The following EXT1 variants were observed in gnomAD, a reference collection of about 807,000 sequenced individuals.
EXT1 encodes the protein exostosin-1.
EXT1 carries 20 observed loss-of-function variants against 82.5 expected under a neutral mutation model. The ratio of observed to expected loss-of-function variants is 0.24; its 90% CI spans 0.17 to 0.35. The LOEUF (loss-of-function observed/expected upper bound fraction) is 0.35, where lower values mean the gene tolerates loss of function less well. Ranked by LOEUF, EXT1 falls within the 10% of genes least tolerant of loss-of-function variation. The pLI is 1.00. For synonymous variants in EXT1, 348 were observed against 350.8 expected (o/e 0.99, Z 0.09); for missense variants, 757 against 936.5 (o/e 0.81, Z 2.50).
chr8:117,857,108 T>C lies in EXT1; in HGVS notation c.963-19907A>G, dbSNP rs1812578023. 2.0e-5 allele frequency among the ~76,000 whole-genome samples: 3 copies of C among 152,240 alleles called. No homozygotes were observed. In the South Asian group the frequency reaches 6.2e-4, roughly 32 times the overall value. On this transcript the variant is annotated intron_variant, in intron 1 of 10. Coordinates refer to ENST00000378204, the MANE Select transcript of EXT1 (RefSeq NM_000127.3). ...TAACTGAATATTTTAAGCCTACCGTTGAGACCTACGGCTTAGAAAGAAAAA... is the reference window on the plus strand; with the variant it reads ...TAACTGAATATTTTAAGCCTACCGTCGAGACCTACGGCTTAGAAAGAAAAA...
rs1461749491 is a variant in EXT1, at chr8:117,799,870, G to T, written c.2083C>A (p.Pro695Thr). 6.2e-7 allele frequency: 1 copy of T among 1,614,114 alleles called. No homozygotes were observed. The highest frequency in any genetic ancestry group is 8.5e-7 in the Non-Finnish European group (1 of 1,180,040). ...QTSRASRWAD[P>T]DHFAQRQSCM... ...CTCTGTCGCTGGGCAAAGTGGTCAG[G>T]GTCAGCCCAACGGGAAGCCCGAGAA... is the stretch of plus-strand genomic sequence containing the variant. Residue 695 changes from proline to threonine, a missense_variant, in exon 11 of 11, where the codon CCT becomes ACT. Physicochemically the swap from Pro to Thr is conservative, Grantham distance 38. Around this residue, in one of 4 missense-constraint regions of EXT1, gnomAD observed 128 missense variants for 223.2 expected, o/e 0.57. Transcript: ENST00000378204.
Position 118,110,942 on chromosome 8 carries a change from G to A in EXT1, c.105C>T (p.Ser35=), listed in dbSNP as rs775906242. Reference sequence around the variant, plus strand: ...TCCTACCGCTGTGTTCTTCTCTCCGGCTGTGGCTCCTCGATGCCCTAAACT... The same window carrying A: ...TCCTACCGCTGTGTTCTTCTCTCCGACTGTGGCTCCTCGATGCCCTAAACT... ...GLQFRASRSH[S]RREEHSGRNG... The change falls in exon 1 of 11, where the codon AGC becomes AGT. Residue 35 remains serine, a synonymous_variant. Coordinates refer to ENST00000378204, the MANE Select transcript of EXT1 (RefSeq NM_000127.3). The A allele has an allele frequency of 1.9e-6, 3 of 1,613,450 alleles. No homozygotes were observed. Among genetic ancestry groups the A allele is most frequent in the African/African-American group, 2.7e-5 (2 of 74,902 alleles).
At chr8:117,812,802 A>G in intron 8 of EXT1, 70 bp downstream of exon 8, 1 of 1,338,966 alleles carries the variant, frequency 7.5e-7, no homozygotes, top group Non-Finnish European at 1.1e-6. Context: ...TAAAAGAAGC[A>G]TTAGCATCGT....
chr8:117,968,317 G>A lies in EXT1; in HGVS notation c.963-131116C>T, dbSNP rs977388049. ...AGTTTTTTGAAATTTTAAAGGTCTCGTTGTGTTGCACAGGGTGGTCTTGAA... is the reference window on the plus strand; with the variant it reads ...AGTTTTTTGAAATTTTAAAGGTCTCATTGTGTTGCACAGGGTGGTCTTGAA... On this transcript the variant is annotated intron_variant, in intron 1 of 10. Transcript: ENST00000378204. 8.6e-5 allele frequency among the ~76,000 whole-genome samples: 13 copies of A among 151,778 alleles called. No individual in the cohort carries two copies. The East Asian group carries it at 1.4e-3, about 16-fold the overall frequency.
chr8:117,915,365 A>G (rs886549717), intron 1 of EXT1, among the ~76,000 whole-genome samples: 1 of 151,710 alleles, frequency 6.6e-6, no homozygotes, highest in Non-Finnish European at 1.5e-5. Context: ...ATATATATAT[A>G]TATATACCTG....
At chr8:118,066,855 G>C (rs1023108915) in intron 1 of EXT1, among the ~76,000 whole-genome samples, 4 of 152,052 alleles carry the variant, frequency 2.6e-5, no homozygotes, top group Non-Finnish European at 4.4e-5. Flanking sequence ...CATTGTTCAA[G>C]GACCAACTGT....
chr8:117,942,541 A>G (rs567371248), intron 1 of EXT1, among the ~76,000 whole-genome samples: 2 of 152,074 alleles, frequency 1.3e-5, no homozygotes, highest in Non-Finnish European at 2.9e-5. Flanking sequence ...GAGAAAGCCC[A>G]TCTCTACTAA....
chr8:117,924,214 T>C (rs1310888821), intron 1 of EXT1, among the ~76,000 whole-genome samples: 1 of 152,190 alleles, frequency 6.6e-6, no homozygotes, highest in Non-Finnish European at 1.5e-5. Flanking sequence ...TAGGGAAATA[T>C]TTACTGACTG....
At chr8:118,002,754 G>C (rs530122852) in intron 1 of EXT1, among the ~76,000 whole-genome samples, 1 of 151,834 alleles carries the variant, frequency 6.6e-6, no homozygotes, top group East Asian at 1.9e-4. Flanking sequence ...GGATGGTCTC[G>C]ATTTCCTGAA....
chr8:118,086,611 C>T (rs571282208), intron 1 of EXT1, among the ~76,000 whole-genome samples: 12 of 152,280 alleles, frequency 7.9e-5, no homozygotes, highest in African/African-American at 1.9e-4. Flanking sequence ...TTATTTTAAG[C>T]TGTTCATTCT....
At chr8:118,059,103 C>A (rs1056088232) in intron 1 of EXT1, among the ~76,000 whole-genome samples, 4 of 152,222 alleles carry the variant, frequency 2.6e-5, no homozygotes, top group Non-Finnish European at 5.9e-5. Flanking sequence ...CAGAAATACA[C>A]CTACTTTGGC....
intron 1 of EXT1, among the ~76,000 whole-genome samples, chr8:117,935,306 G>T (rs1814137579): frequency 6.7e-6 from 1 of 148,356 alleles, no homozygotes; most frequent in African/African-American, 2.5e-5. Context: ...GAAAATCCTG[G>T]TTAGTTATCT....
intron 1 of EXT1, among the ~76,000 whole-genome samples, chr8:117,942,793 T>C (rs183768731): frequency 6.6e-6 from 1 of 152,372 alleles, no homozygotes; most frequent in African/African-American, 2.4e-5. Context: ...AACATTCATA[T>C]GTAATGAAAA....
At position 118,022,280 on chromosome 8, in the gene EXT1, G is replaced by A. The variant is rs970779241; in HGVS notation, c.962+87805C>T. Among the ~76,000 whole-genome samples, 3 of 148,910 alleles carry A rather than the reference G, an allele frequency of 2.0e-5. No individual in the cohort carries two copies. The Admixed American group carries it at 2.0e-4, about 10-fold the overall frequency. On this transcript the variant is annotated intron_variant, in intron 1 of 10. Coordinates refer to ENST00000378204, the MANE Select transcript of EXT1 (RefSeq NM_000127.3). ...CAAGAAAAAAATTAATGCAGGGGGAGGCAATATATTAAAAAAAGATATACT... is the reference window on the plus strand; with the variant it reads ...CAAGAAAAAAATTAATGCAGGGGGAAGCAATATATTAAAAAAAGATATACT...
intron 1 of EXT1, among the ~76,000 whole-genome samples, chr8:117,951,494 T>C (rs1000125606): frequency 3.3e-5 from 5 of 152,200 alleles, no homozygotes; most frequent in Non-Finnish European, 1.5e-5. Flanking sequence ...TCATACAAAC[T>C]AGACCCTGGG....
At chr8:117,895,136 G>C (rs1586269749) in intron 1 of EXT1, among the ~76,000 whole-genome samples, 1 of 152,134 alleles carries the variant, frequency 6.6e-6, no homozygotes, top group Non-Finnish European at 1.5e-5. Flanking sequence ...GTGAACCAGG[G>C]AAGGCTGTGA....
chr8:117,835,100 G>A (rs1246314152), intron 3 of EXT1, among the ~76,000 whole-genome samples: 1 of 152,170 alleles, frequency 6.6e-6, no homozygotes, highest in South Asian at 2.1e-4. Context: ...TGCAGAAACA[G>A]AGGAAAAGAA....
chr8:118,018,192 G>A (rs1219969335), intron 1 of EXT1, among the ~76,000 whole-genome samples: 1 of 152,142 alleles, frequency 6.6e-6, no homozygotes, highest in Non-Finnish European at 1.5e-5. Context: ...TCCTTATTTG[G>A]AAATAGGGTC....
At chr8:118,013,328 C>A (rs1418845187) in intron 1 of EXT1, among the ~76,000 whole-genome samples, 1 of 152,156 alleles carries the variant, frequency 6.6e-6, no homozygotes, top group Non-Finnish European at 1.5e-5. Context: ...CCTGCCTCAG[C>A]CTCCCAAGTA....
Sources: allele counts gnomAD v4.1 joint callset (sites outside exome capture counted in the v4.1 genomes callset), GRCh38; gene constraint gnomAD v4.1.1; regional missense constraint gnomAD v4.1.1; transcripts MANE v1.5; gene names NCBI Gene and HGNC (gene_info 2026-07-23, HGNC 2026-07-21).